FCHO2: variants seen among roughly 807,000 people sequenced by gnomAD.
The protein encoded by FCHO2 is F-BAR domain only protein 2.
FCHO2 carries 43 observed loss-of-function variants against 114.1 expected under a neutral mutation model. The observed-to-expected ratio is 0.38, with a 90% CI of 0.30 to 0.49. The LOEUF is 0.49. Ranked by LOEUF, FCHO2 falls within the 20% of genes least tolerant of loss-of-function variation. The pLI is 0.97. For missense variants in FCHO2, 807 were observed against 950.4 expected (o/e 0.85, Z 1.98); for synonymous variants, 293 against 315.2 (o/e 0.93, Z 0.75).
intron 5 of FCHO2, chr5:72,996,931 G>A (rs1204893195): frequency 6.2e-6 from 10 of 1,600,756 alleles, no homozygotes; most frequent in African/African-American, 1.3e-5. Flanking sequence ...TGATGCGGAC[G>A]CAGTGTCTGC....
chr5:73,034,499 T>TCTAA, intron 8 of FCHO2, 158 bp from the exon 9 acceptor site: 1 of 467,472 alleles, frequency 2.1e-6, no homozygotes, highest in South Asian at 3.5e-5. Flanking sequence ...TTGCTGATAT[T>TCTAA]TTAATTATTA....
intron 13 of FCHO2, 112 bp downstream of exon 13, chr5:73,052,619 CT>C: frequency 3.5e-6 from 3 of 861,964 alleles, no homozygotes; most frequent in Non-Finnish European, 5.2e-6. Flanking sequence ...TGAGGAAATA[CT>C]TAGTTTATAA....
chr5:73,026,487 A>G (rs1255510035), intron 8 of FCHO2, among the ~76,000 whole-genome samples: 1 of 152,064 alleles, frequency 6.6e-6, no homozygotes, highest in Non-Finnish European at 1.5e-5. Context: ...AAAAAATTGT[A>G]TACATAAGTT....
At chr5:73,038,726 G>A (rs1756657240) in intron 10 of FCHO2, among the ~76,000 whole-genome samples, 1 of 152,128 alleles carries the variant, frequency 6.6e-6, no homozygotes, top group Non-Finnish European at 1.5e-5. Flanking sequence ...CAATTGCAAA[G>A]TCATCTATAT....
At chr5:72,981,028 C>T (rs545652441) in intron 2 of FCHO2, among the ~76,000 whole-genome samples, 1 of 152,216 alleles carries the variant, frequency 6.6e-6, no homozygotes, top group South Asian at 2.1e-4. Flanking sequence ...GGTACAGTTT[C>T]TTCATAATGT....
chr5:72,980,026 A>C (rs573886312), intron 2 of FCHO2, among the ~76,000 whole-genome samples: 1 of 151,910 alleles, frequency 6.6e-6, no homozygotes, highest in African/African-American at 2.4e-5. Flanking sequence ...TAGTTCTTTT[A>C]ATTGTGATGT....
At chr5:72,984,177 A>G (rs893960187) in intron 2 of FCHO2, among the ~76,000 whole-genome samples, 1 of 152,158 alleles carries the variant, frequency 6.6e-6, no homozygotes, top group African/African-American at 2.4e-5. Context: ...CTTGTCATTT[A>G]TGTGAATTAT....
chr5:73,006,305 C>T (rs1456837453), intron 5 of FCHO2, 140 bp from the exon 6 acceptor site: 6 of 452,586 alleles, frequency 1.3e-5, no homozygotes, highest in Non-Finnish European at 2.2e-5. Flanking sequence ...TAAAGAGGGC[C>T]TCACAACAAG....
intron 11 of FCHO2, among the ~76,000 whole-genome samples, chr5:73,045,755 T>C (rs1229961130): frequency 6.6e-6 from 1 of 152,242 alleles, no homozygotes; most frequent in Non-Finnish European, 1.5e-5. Flanking sequence ...GAGTTTCTTA[T>C]AGACAGCAGA....
intron 2 of FCHO2, among the ~76,000 whole-genome samples, chr5:72,977,021 G>A (rs1265305575): frequency 4.6e-5 from 7 of 152,132 alleles, no homozygotes; most frequent in African/African-American, 1.4e-4. Context: ...TATCCAGTCT[G>A]TGATTGATGT....
chr5:72,996,530 C>T (rs183755618), intron 5 of FCHO2, among the ~76,000 whole-genome samples: 148 of 150,556 alleles, frequency 9.8e-4, no homozygotes, highest in Middle Eastern at 3.4e-3. Context: ...TCTGCTTACC[C>T]CCCTCCCTTA....
intron 8 of FCHO2, among the ~76,000 whole-genome samples, chr5:73,033,001 C>A (rs1756315063): frequency 6.6e-6 from 1 of 152,092 alleles, no homozygotes; most frequent in Admixed American, 6.6e-5. Flanking sequence ...ATCTCAATTT[C>A]TTTACCCTTA....
intron 2 of FCHO2, among the ~76,000 whole-genome samples, chr5:72,977,119 A>G (rs1752934539): frequency 1.3e-5 from 2 of 152,200 alleles, no homozygotes; most frequent in South Asian, 2.1e-4. Flanking sequence ...AGAATGATTT[A>G]TAATCCTTTG....
At chr5:73,000,543 A>C (rs1238907948) in intron 5 of FCHO2, among the ~76,000 whole-genome samples, 1 of 151,614 alleles carries the variant, frequency 6.6e-6, no homozygotes, top group East Asian at 1.9e-4. Context: ...TAGGAGGCCA[A>C]AGCGGGCGGA....
intron 17 of FCHO2, among the ~76,000 whole-genome samples, chr5:73,061,797 A>G (rs1327192911): frequency 6.6e-6 from 1 of 152,102 alleles, no homozygotes. Flanking sequence ...TAGGTTTCCT[A>G]ATGCTTTGGA....
At chr5:72,968,678 A>T (rs1752338180) in intron 2 of FCHO2, 89 bp downstream of exon 2, 3 of 916,694 alleles carry the variant, frequency 3.3e-6, no homozygotes, top group Non-Finnish European at 4.8e-6. Flanking sequence ...CTTTATTTGG[A>T]TTTGGAATAA....
chr5:72,979,740 T>G (rs951519466), intron 2 of FCHO2, among the ~76,000 whole-genome samples: 1 of 152,240 alleles, frequency 6.6e-6, no homozygotes, highest in Non-Finnish European at 1.5e-5. Flanking sequence ...ATAGTGGTGT[T>G]TCTAGTATTC....
chr5:73,083,478 C>CT (rs1409775254), intron 24 of FCHO2, among the ~76,000 whole-genome samples: 1 of 152,026 alleles, frequency 6.6e-6, no homozygotes, highest in Non-Finnish European at 1.5e-5. Context: ...AAATAGAACT[C>CT]TATGTTCCAT....
At chr5:72,964,142 C>T (rs1314343613) in intron 1 of FCHO2, among the ~76,000 whole-genome samples, 1 of 151,814 alleles carries the variant, frequency 6.6e-6, no homozygotes, top group Admixed American at 6.6e-5. Context: ...AAAAAATTAA[C>T]TACTGTTTGC....
Sources: gnomAD v4.1 joint callset for allele counts (sites outside exome capture counted in the v4.1 genomes callset) on GRCh38, gnomAD v4.1.1 for gene constraint, MANE v1.5 for transcripts, NCBI Gene and HGNC (gene_info 2026-07-23, HGNC 2026-07-21) for gene names.